Variants in WWOX observed in about 807,000 individuals in gnomAD.
WWOX encodes the protein WW domain containing oxidoreductase.
A neutral mutation model predicts 46.2 loss-of-function variants in WWOX; 69 were observed. That is an observed-to-expected ratio of 1.49 (90% CI 1.23 to 1.82). The LOEUF (loss-of-function observed/expected upper bound fraction) is 1.82, where lower values mean the gene tolerates loss of function less well. Ranked by LOEUF, WWOX falls within the 40% of genes most tolerant of loss-of-function variation. The pLI is 0.00. For synonymous variants in WWOX, 359 were observed against 202.6 expected (o/e 1.77, Z -6.56); for missense variants, 919 against 542.6 (o/e 1.69, Z -6.89).
chr16:78,901,289 G>A (rs955060017), intron 8 of WWOX, among the ~76,000 whole-genome samples: 3 of 152,228 alleles, frequency 2.0e-5, no homozygotes, highest in Non-Finnish European at 4.4e-5. Flanking sequence ...CACAAAGTAT[G>A]TGTTTGTGAA....
At chr16:78,677,728 C>G (rs1027491095) in intron 8 of WWOX, among the ~76,000 whole-genome samples, 24 of 152,132 alleles carry the variant, frequency 1.6e-4, no homozygotes, top group African/African-American at 4.8e-4. Flanking sequence ...TTGGGCACTG[C>G]CTGGCACATA....
At chr16:78,927,490 C>G (rs952740530) in intron 8 of WWOX, among the ~76,000 whole-genome samples, 8 of 152,126 alleles carry the variant, frequency 5.3e-5, no homozygotes, top group African/African-American at 9.7e-5. Context: ...TGCCTCAGCA[C>G]GGAGCCCAGA....
intron 8 of WWOX, among the ~76,000 whole-genome samples, chr16:78,986,705 C>G (rs1306960019): frequency 4.6e-5 from 7 of 152,108 alleles, no homozygotes; most frequent in Non-Finnish European, 1.0e-4. Flanking sequence ...AGGCTGTTAC[C>G]AATTGACCAG....
intron 8 of WWOX, among the ~76,000 whole-genome samples, chr16:79,124,495 G>A (rs1014383629): frequency 2.0e-5 from 3 of 152,200 alleles, no homozygotes; most frequent in Non-Finnish European, 4.4e-5. Flanking sequence ...AGGCGGCTCT[G>A]TCTGACCTGT....
At chr16:78,877,056 C>G (rs540717453) in intron 8 of WWOX, among the ~76,000 whole-genome samples, 32 of 152,292 alleles carry the variant, frequency 2.1e-4, no homozygotes, top group Admixed American at 5.9e-4. Context: ...CTTCTAGAAA[C>G]AAATTCTTTT....
At chr16:78,926,568 C>G (rs917121969) in intron 8 of WWOX, among the ~76,000 whole-genome samples, 1 of 152,122 alleles carries the variant, frequency 6.6e-6, no homozygotes, top group South Asian at 2.1e-4. Flanking sequence ...AGAAAGCAGA[C>G]GTACACTTCT....
chr16:78,433,403 A>G (rs1030966371), intron 8 of WWOX, among the ~76,000 whole-genome samples: 1 of 152,216 alleles, frequency 6.6e-6, no homozygotes, highest in Non-Finnish European at 1.5e-5. Context: ...ACCTTCTTCT[A>G]TGAAATGGTT....
chr16:78,386,351 G>A (rs889872939), intron 5 of WWOX, among the ~76,000 whole-genome samples: 3 of 152,084 alleles, frequency 2.0e-5, no homozygotes, highest in Non-Finnish European at 2.9e-5. Context: ...ATCGAGGTCC[G>A]TCAGAATCCA....
intron 8 of WWOX, among the ~76,000 whole-genome samples, chr16:79,019,484 ATAT>A (rs1225733585): frequency 1.3e-5 from 2 of 152,066 alleles, no homozygotes; most frequent in East Asian, 1.9e-4. Flanking sequence ...TAAAAATATG[ATAT>A]TATAATCTTT....
intron 4 of WWOX, among the ~76,000 whole-genome samples, chr16:78,132,740 G>A (rs1388646751): frequency 5.3e-5 from 8 of 152,108 alleles, no homozygotes; most frequent in African/African-American, 1.4e-4. Context: ...CTCCTGTTAC[G>A]ACTTAGCCCT....
chr16:78,688,973 G>T (rs1374231670), intron 8 of WWOX, among the ~76,000 whole-genome samples: 2 of 152,138 alleles, frequency 1.3e-5, no homozygotes, highest in African/African-American at 2.4e-5. Flanking sequence ...AGACATGTTT[G>T]CTTTCCCTTC....
chr16:78,222,898 T>C (rs2036937695), intron 5 of WWOX, among the ~76,000 whole-genome samples: 1 of 152,202 alleles, frequency 6.6e-6, no homozygotes, highest in South Asian at 2.1e-4. Flanking sequence ...GAACATGCTC[T>C]CAGAGGAGAT....
At chr16:78,197,295 T>A (rs2036084841) in intron 5 of WWOX, among the ~76,000 whole-genome samples, 1 of 152,230 alleles carries the variant, frequency 6.6e-6, no homozygotes, top group African/African-American at 2.4e-5. Flanking sequence ...TACCACAGTT[T>A]CTAATACGAT....
intron 8 of WWOX, among the ~76,000 whole-genome samples, chr16:78,889,864 C>T (rs568248302): frequency 5.9e-5 from 9 of 152,240 alleles, no homozygotes; most frequent in Non-Finnish European, 7.4e-5. Context: ...GGAGAAAGTC[C>T]ATAGTTTATG....
intron 8 of WWOX, among the ~76,000 whole-genome samples, chr16:78,923,925 G>T (rs191910837): frequency 6.8e-6 from 1 of 147,640 alleles, no homozygotes; most frequent in Non-Finnish European, 1.5e-5. Flanking sequence ...TCAGCCTCCC[G>T]AGCAGCTGGG....
intron 8 of WWOX, among the ~76,000 whole-genome samples, chr16:78,844,240 A>G (rs2052238407): frequency 6.6e-6 from 1 of 152,178 alleles, no homozygotes; most frequent in Non-Finnish European, 1.5e-5. Context: ...TTAGCCCAAG[A>G]GAGGCCCTCT....
At chr16:78,277,490 G>T (rs1424634799) in intron 5 of WWOX, among the ~76,000 whole-genome samples, 1 of 152,002 alleles carries the variant, frequency 6.6e-6, no homozygotes, top group African/African-American at 2.4e-5. Context: ...AGAATTCCTT[G>T]CCTGGGACAA....
intron 8 of WWOX, among the ~76,000 whole-genome samples, chr16:78,615,204 C>T (rs1171792868): frequency 6.6e-6 from 1 of 152,114 alleles, no homozygotes; most frequent in Non-Finnish European, 1.5e-5. Flanking sequence ...TCTAGAAACT[C>T]TCTGTTTTTT....
At chr16:79,067,280 A>G (rs951149380) in intron 8 of WWOX, among the ~76,000 whole-genome samples, 3 of 152,216 alleles carry the variant, frequency 2.0e-5, no homozygotes, top group Non-Finnish European at 2.9e-5. Context: ...AAATCAGAGT[A>G]AAAGCTAAAA....
Sources: allele counts gnomAD v4.1 joint callset (sites outside exome capture counted in the v4.1 genomes callset), GRCh38; gene constraint gnomAD v4.1.1; transcripts MANE v1.5; gene names NCBI Gene and HGNC (gene_info 2026-07-23, HGNC 2026-07-21).